The following ZNF618 variants were observed in gnomAD, a reference collection of about 807,000 sequenced individuals.
ZNF618 encodes zinc finger protein 618.
ZNF618 carries 34 observed loss-of-function variants against 103.0 expected under a neutral mutation model. The ratio of observed to expected loss-of-function variants is 0.33; its 90% CI spans 0.25 to 0.44. The LOEUF is 0.44. Ranked by LOEUF, ZNF618 falls within the 20% of genes least tolerant of loss-of-function variation. The pLI, the probability that ZNF618 is intolerant of heterozygous loss-of-function variation, is 1.00. For synonymous variants in ZNF618, 551 were observed against 542.2 expected, an observed-to-expected ratio of 1.02 and a Z score of -0.23; for missense variants, 1,059 against 1,295.4, an observed-to-expected ratio of 0.82 and a Z score of 2.80.
chr9:113,983,910 C>A (rs957326082), intron 2 of ZNF618, among the ~76,000 whole-genome samples: 1 of 152,082 alleles, frequency 6.6e-6, no homozygotes, highest in African/African-American at 2.4e-5. Context: ...TTCCAGTGGG[C>A]CCCGGGGAGT....
chr9:114,048,030 C>A (rs150042253), intron 14 of ZNF618, 36 bp downstream of exon 14: 1 of 1,519,880 alleles, frequency 6.6e-7, no homozygotes, highest in Non-Finnish European at 8.9e-7. Flanking sequence ...CCTGAGGGTC[C>A]CCTTATGCTC....
Position 114,054,412 on chromosome 9 carries a change from C to T in ZNF618, c.*4245C>T, listed in dbSNP as rs550675792. 8 of 152,378 alleles carry T rather than the reference C, an allele frequency of 5.3e-5. No individual in the cohort carries two copies. Among genetic ancestry groups the T allele is most frequent in the African/African-American group, 1.7e-4 (7 of 41,556 alleles). The allele number at this position is 152,378 out of a possible 1,614,324, so 9.4% of individuals were successfully genotyped here. ...AGAGGAGGTGTCCCAGTGAGCCGCC[C>T]GAAGTTCATAGCTTTGCCCTCGCCT... On this transcript the variant is annotated 3_prime_UTR_variant, in exon 15 of 15. Transcript: ENST00000374126.
chr9:114,031,471 C>T (rs1844029222), intron 11 of ZNF618, among the ~76,000 whole-genome samples: 1 of 152,212 alleles, frequency 6.6e-6, no homozygotes, highest in Non-Finnish European at 1.5e-5. Context: ...CTGCCTCTGG[C>T]TTCCTTTCCC....
intron 10 of ZNF618, among the ~76,000 whole-genome samples, chr9:114,018,377 C>T (rs2133979894): frequency 6.6e-6 from 1 of 152,368 alleles, no homozygotes; most frequent in East Asian, 1.9e-4. Flanking sequence ...TGTTTGTTCT[C>T]CAGTGAAGCA....
intron 4 of ZNF618, among the ~76,000 whole-genome samples, chr9:113,998,739 G>A (rs1451885536): frequency 6.6e-6 from 1 of 152,246 alleles, no homozygotes; most frequent in Non-Finnish European, 1.5e-5. Flanking sequence ...CAGGGCCTGC[G>A]GCTGCCCCTG....
intron 1 of ZNF618, among the ~76,000 whole-genome samples, chr9:113,961,989 G>T (rs912830780): frequency 1.3e-5 from 2 of 152,182 alleles, no homozygotes; most frequent in Admixed American, 6.5e-5. Flanking sequence ...TGTGAACCTT[G>T]GCCAAGCCAC....
At chr9:113,953,257 G>A (rs926936494) in intron 1 of ZNF618, among the ~76,000 whole-genome samples, 10 of 152,164 alleles carry the variant, frequency 6.6e-5, no homozygotes, top group African/African-American at 1.9e-4. Context: ...GCCTATCCTC[G>A]GGAGAGATGG....
At chr9:113,935,530 C>T (rs193236559) in intron 1 of ZNF618, among the ~76,000 whole-genome samples, 6 of 152,204 alleles carry the variant, frequency 3.9e-5, no homozygotes, top group Admixed American at 1.3e-4. Flanking sequence ...TGTTGCGGGT[C>T]GTGTCACTCC....
At chr9:113,937,816 A>G (rs16910725) in intron 1 of ZNF618, among the ~76,000 whole-genome samples, 6,554 of 152,342 alleles carry the variant, frequency 0.043, 630 homozygotes, top group East Asian at 0.33. Context: ...TGATATATAC[A>G]TGGATCTGCC....
intron 2 of ZNF618, among the ~76,000 whole-genome samples, chr9:113,977,088 G>A (rs1357871801): frequency 6.6e-6 from 1 of 152,204 alleles, no homozygotes; most frequent in Admixed American, 6.5e-5. Flanking sequence ...GGGTGTTGGG[G>A]CAAGAGCTGG....
intron 6 of ZNF618, 21 bp downstream of exon 6, chr9:114,002,683 G>A (rs775776855): frequency 1.7e-5 from 28 of 1,609,958 alleles, no homozygotes; most frequent in Middle Eastern, 1.6e-4. Flanking sequence ...TTTCCTCCTC[G>A]TGGGCTGCTG....
At chr9:114,022,453 T>C (rs1218106047) in intron 10 of ZNF618, among the ~76,000 whole-genome samples, 1 of 152,058 alleles carries the variant, frequency 6.6e-6, no homozygotes, top group Non-Finnish European at 1.5e-5. Context: ...TTGGGAATTA[T>C]CCAGATTTTT....
chr9:114,041,234 C>T (rs1394880159), intron 13 of ZNF618, among the ~76,000 whole-genome samples: 8 of 152,002 alleles, frequency 5.3e-5, no homozygotes, highest in South Asian at 4.2e-4. Flanking sequence ...ATTAGCCCTT[C>T]GTCAGATGAG....
chr9:113,912,553 G>GTCC (rs1831650088), intron 1 of ZNF618, among the ~76,000 whole-genome samples: 1 of 152,218 alleles, frequency 6.6e-6, no homozygotes, highest in East Asian at 1.9e-4. Context: ...GAACTCAGGA[G>GTCC]TAAGTCGGGA....
At chr9:113,981,933 G>A (rs541390009) in intron 2 of ZNF618, among the ~76,000 whole-genome samples, 4 of 152,282 alleles carry the variant, frequency 2.6e-5, no homozygotes, top group South Asian at 4.1e-4. Flanking sequence ...ATCTGGCCAC[G>A]GAGCTCTTGT....
chr9:113,920,575 T>A (rs1333675762), intron 1 of ZNF618, among the ~76,000 whole-genome samples: 2 of 152,040 alleles, frequency 1.3e-5, no homozygotes, highest in African/African-American at 2.4e-5. Flanking sequence ...CTAATTTTTT[T>A]ATTTTTAGTA....
intron 3 of ZNF618, among the ~76,000 whole-genome samples, chr9:113,996,613 T>TGTGAACTC (rs1840619248): frequency 1.3e-5 from 2 of 152,130 alleles, no homozygotes; most frequent in African/African-American, 4.8e-5. Flanking sequence ...CAGTGGGAGC[T>TGTGAACTC]GTGAACTCGG....
intron 3 of ZNF618, among the ~76,000 whole-genome samples, chr9:113,995,588 A>C (rs1393097343): frequency 6.6e-6 from 1 of 152,218 alleles, no homozygotes; most frequent in Non-Finnish European, 1.5e-5. Flanking sequence ...TTGTTTTAGC[A>C]GTGTCACTCA....
Position 114,030,276 on chromosome 9 carries a change from T to C in ZNF618, c.1084+1304T>C, listed in dbSNP as rs888534467. Among the ~76,000 whole-genome samples, 7 of 152,222 alleles carry C rather than the reference T, an allele frequency of 4.6e-5. No homozygotes were observed. The East Asian group carries it at 9.6e-4, about 21-fold the overall frequency. On this transcript the variant is annotated intron_variant, in intron 11 of 14. Coordinates refer to ENST00000374126, the MANE Select transcript of ZNF618 (RefSeq NM_001318042.2). ...GTCAGCCTTGAAGGTTTGAAGGTCA[T>C]GGTTTTTCAGGTACCGTGTTGAGAA...
Sources: gnomAD v4.1 joint callset for allele counts (sites outside exome capture counted in the v4.1 genomes callset) on GRCh38, gnomAD v4.1.1 for gene constraint, MANE v1.5 for transcripts, NCBI Gene and HGNC (gene_info 2026-07-23, HGNC 2026-07-21) for gene names.